The following EYS variants were observed in gnomAD, a reference collection of about 807,000 sequenced individuals.
EYS encodes the protein EGF-like photoreceptor maintenance factor, also known as protein eyes shut homolog.
A neutral mutation model predicts 282.1 loss-of-function variants in EYS; 250 were observed. The ratio of observed to expected loss-of-function variants is 0.89; its 90% CI spans 0.80 to 0.98. The LOEUF is 0.98. Among genes scored for constraint, EYS ranks in the 50% least tolerant of loss-of-function variants. The pLI is 0.00. For synonymous variants in EYS, 1,355 were observed against 1,282.9 expected (o/e 1.06, Z -1.20); for missense variants, 4,016 against 3,709.0 (o/e 1.08, Z -2.15).
At chr6:64,675,083 T>C (rs1454241407) in intron 22 of EYS, among the ~76,000 whole-genome samples, 1 of 152,170 alleles carries the variant, frequency 6.6e-6, no homozygotes, top group African/African-American at 2.4e-5. Flanking sequence ...CAAATTCTAA[T>C]ACAAGTTTTA....
chr6:65,018,804 T>A (rs1302479049), intron 13 of EYS, among the ~76,000 whole-genome samples: 4 of 152,178 alleles, frequency 2.6e-5, no homozygotes, highest in Non-Finnish European at 5.9e-5. Context: ...CCTATATGCA[T>A]ACCCTGTGTG....
At chr6:64,211,086 G>T (rs1276392281) in intron 31 of EYS, among the ~76,000 whole-genome samples, 1 of 152,056 alleles carries the variant, frequency 6.6e-6, no homozygotes, top group African/African-American at 2.4e-5. Context: ...TGAGTGTCTT[G>T]GGGTCGTGAA....
intron 2 of EYS, among the ~76,000 whole-genome samples, chr6:65,532,611 TC>T (rs1203738278): frequency 1.3e-5 from 2 of 152,124 alleles, no homozygotes; most frequent in African/African-American, 4.8e-5. Flanking sequence ...AAGTGAAAAT[TC>T]CAGCAAAGCA....
At chr6:65,595,222 A>C (rs1765366947) in intron 2 of EYS, among the ~76,000 whole-genome samples, 1 of 152,070 alleles carries the variant, frequency 6.6e-6, no homozygotes, top group African/African-American at 2.4e-5. Flanking sequence ...CGCAAGAACA[A>C]AAAACCAAAC....
intron 22 of EYS, among the ~76,000 whole-genome samples, chr6:64,763,067 G>T (rs1773212763): frequency 6.6e-6 from 1 of 152,064 alleles, no homozygotes; most frequent in African/African-American, 2.4e-5. Context: ...GCTTGCCATG[G>T]TCATTCTTTA....
chr6:63,875,678 C>A (rs532098639), intron 35 of EYS, among the ~76,000 whole-genome samples: 1 of 152,274 alleles, frequency 6.6e-6, no homozygotes, highest in South Asian at 2.1e-4. Context: ...AGGGATTCAA[C>A]TTCTTCCTGG....
intron 29 of EYS, among the ~76,000 whole-genome samples, chr6:64,331,457 C>T (rs1582609553): frequency 6.6e-6 from 1 of 152,072 alleles, no homozygotes; most frequent in East Asian, 1.9e-4. Context: ...GAAACCCTTA[C>T]CATGCCCTTA....
At chr6:65,620,826 G>C (rs970535327) in intron 2 of EYS, among the ~76,000 whole-genome samples, 19 of 152,144 alleles carry the variant, frequency 1.2e-4, no homozygotes, top group African/African-American at 4.3e-4. Flanking sequence ...TAGTCATTCA[G>C]GATCAGGTTG....
intron 12 of EYS, among the ~76,000 whole-genome samples, chr6:65,135,847 T>A (rs1319901246): frequency 6.6e-6 from 1 of 152,066 alleles, no homozygotes; most frequent in Non-Finnish European, 1.5e-5. Context: ...AAATGCAAAT[T>A]GTCCTGTATG....
intron 15 of EYS, among the ~76,000 whole-genome samples, chr6:64,922,971 A>AT (rs1361672591): frequency 2.6e-5 from 4 of 151,976 alleles, no homozygotes; most frequent in Admixed American, 6.5e-5. Flanking sequence ...TACTATGCTG[A>AT]TTTTTTTCTC....
At chr6:64,454,827 A>G (rs1197343871) in intron 26 of EYS, among the ~76,000 whole-genome samples, 1 of 152,098 alleles carries the variant, frequency 6.6e-6, no homozygotes, top group Non-Finnish European at 1.5e-5. Context: ...GTGATATTTT[A>G]TCTTCTTGTA....
chr6:64,118,371 A>G (rs111756944), intron 31 of EYS, among the ~76,000 whole-genome samples: 3,994 of 152,216 alleles, frequency 0.026, 165 homozygotes, highest in African/African-American at 0.082. Context: ...TATAAAATGC[A>G]GAAATAAATC....
intron 31 of EYS, among the ~76,000 whole-genome samples, chr6:64,134,475 G>A (rs371665442): frequency 6.6e-6 from 1 of 151,882 alleles, no homozygotes; most frequent in Admixed American, 6.6e-5. Flanking sequence ...CCCAGATTAG[G>A]GAATACACAA....
At chr6:64,625,022 A>G (rs1388311932) in intron 23 of EYS, among the ~76,000 whole-genome samples, 1 of 152,168 alleles carries the variant, frequency 6.6e-6, no homozygotes, top group African/African-American at 2.4e-5. Context: ...GCATGCTACT[A>G]TCATGACTGG....
intron 2 of EYS, among the ~76,000 whole-genome samples, chr6:65,547,037 C>G (rs563646084): frequency 2.0e-5 from 3 of 152,062 alleles, no homozygotes; most frequent in South Asian, 4.2e-4. Flanking sequence ...GTTCACTAGA[C>G]AATGTCGAGA....
chr6:64,362,200 G>A (rs1482174550), intron 29 of EYS, among the ~76,000 whole-genome samples: 3 of 151,666 alleles, frequency 2.0e-5, no homozygotes, highest in Non-Finnish European at 3.0e-5. Context: ...AAGTAGAAAT[G>A]ACAACAGTAA....
At chr6:65,535,421 A>T (rs1767928703) in intron 2 of EYS, among the ~76,000 whole-genome samples, 1 of 151,964 alleles carries the variant, frequency 6.6e-6, no homozygotes, top group Non-Finnish European at 1.5e-5. Context: ...GGTTTTATAG[A>T]TGGGAGTTCC....
intron 8 of EYS, among the ~76,000 whole-genome samples, chr6:65,364,536 T>A (rs1370130917): frequency 1.3e-5 from 1 of 77,684 alleles, no homozygotes; most frequent in Non-Finnish European, 2.8e-5. Flanking sequence ...TTGGACTATA[T>A]TAAAAATATT....
chr6:65,048,328 G>C (rs1321297460), intron 13 of EYS, among the ~76,000 whole-genome samples: 2 of 151,762 alleles, frequency 1.3e-5, no homozygotes, highest in Non-Finnish European at 2.9e-5. Flanking sequence ...TCTTGTGAAG[G>C]TTACCAAGGC....
Sources: gnomAD v4.1 joint callset for allele counts (sites outside exome capture counted in the v4.1 genomes callset) on GRCh38, gnomAD v4.1.1 for gene constraint, MANE v1.5 for transcripts, NCBI Gene and HGNC (gene_info 2026-07-23, HGNC 2026-07-21) for gene names.